The following GPC5 variants were observed in gnomAD, a reference collection of about 807,000 sequenced individuals.
GPC5 encodes glypican-5.
Under a neutral mutation model 53.9 loss-of-function variants are expected in GPC5, and 47 were observed. That is an observed-to-expected ratio of 0.87 (90% CI 0.69 to 1.11). The LOEUF (loss-of-function observed/expected upper bound fraction) is 1.11, where lower values mean the gene tolerates loss of function less well. GPC5 is among the 50% of genes most tolerant of loss of function. The pLI, the probability that GPC5 is intolerant of heterozygous loss-of-function variation, is 0.00. For synonymous variants in GPC5, 286 were observed against 263.3 expected (o/e 1.09, Z -0.84); for missense variants, 748 against 713.1 (o/e 1.05, Z -0.56).
At chr13:92,582,665 C>G (rs1312372117) in intron 7 of GPC5, among the ~76,000 whole-genome samples, 1 of 152,094 alleles carries the variant, frequency 6.6e-6, no homozygotes, top group Non-Finnish European at 1.5e-5. Context: ...ATATCTTCTA[C>G]AACTTCTTTC....
chr13:91,899,707 A>G (rs555608013), intron 5 of GPC5, among the ~76,000 whole-genome samples: 2 of 152,292 alleles, frequency 1.3e-5, no homozygotes, highest in East Asian at 3.9e-4. Flanking sequence ...TATAAGACAC[A>G]GGAAAAGACA....
chr13:91,681,426 A>G (rs749245352), intron 2 of GPC5, among the ~76,000 whole-genome samples: 15 of 152,184 alleles, frequency 9.9e-5, no homozygotes, highest in Non-Finnish European at 1.5e-5. Context: ...TTTCAGTGAC[A>G]ACTTGACCCA....
intron 6 of GPC5, among the ~76,000 whole-genome samples, chr13:91,943,257 T>C (rs1272152507): frequency 6.6e-6 from 1 of 152,172 alleles, no homozygotes; most frequent in Non-Finnish European, 1.5e-5. Flanking sequence ...ACAAAATGCC[T>C]CAACAGATTA....
chr13:92,594,293 C>G (rs191583471), intron 7 of GPC5, among the ~76,000 whole-genome samples: 25 of 152,230 alleles, frequency 1.6e-4, no homozygotes, highest in Non-Finnish European at 3.4e-4. Context: ...AAGGCAGGCA[C>G]GGGACTGTCA....
chr13:91,483,705 T>C (rs968924324), intron 2 of GPC5, among the ~76,000 whole-genome samples: 8 of 152,204 alleles, frequency 5.3e-5, no homozygotes, highest in Admixed American at 1.3e-4. Context: ...TGGCAAACAA[T>C]ACAGATTATT....
At chr13:92,176,206 C>CA (rs2042108343) in intron 7 of GPC5, among the ~76,000 whole-genome samples, 1 of 152,034 alleles carries the variant, frequency 6.6e-6, no homozygotes, top group Non-Finnish European at 1.5e-5. Flanking sequence ...TCTGAATTAC[C>CA]AAAAAATGCT....
intron 2 of GPC5, among the ~76,000 whole-genome samples, chr13:91,568,076 C>T (rs1455962235): frequency 6.6e-6 from 1 of 152,190 alleles, no homozygotes; most frequent in Non-Finnish European, 1.5e-5. Context: ...CCTGCTTCCT[C>T]TTCTGCCATG....
intron 6 of GPC5, among the ~76,000 whole-genome samples, chr13:92,046,389 A>G (rs1199091253): frequency 6.6e-6 from 1 of 152,180 alleles, no homozygotes; most frequent in Non-Finnish European, 1.5e-5. Context: ...CTTACACTGA[A>G]TGTTTTTCTT....
chr13:92,436,725 T>C (rs543553479), intron 7 of GPC5, among the ~76,000 whole-genome samples: 1 of 152,304 alleles, frequency 6.6e-6, no homozygotes, highest in Admixed American at 6.5e-5. Context: ...TTCATATTAT[T>C]AGGTTAATAC....
chr13:92,796,304 C>G (rs1876677221), intron 7 of GPC5, among the ~76,000 whole-genome samples: 1 of 151,890 alleles, frequency 6.6e-6, no homozygotes, highest in African/African-American at 2.4e-5. Flanking sequence ...TAGGTGGGAA[C>G]TGAACAGTGA....
chr13:91,547,421 C>A (rs2030359284), intron 2 of GPC5, among the ~76,000 whole-genome samples: 1 of 152,130 alleles, frequency 6.6e-6, no homozygotes, highest in Middle Eastern at 3.4e-3. Context: ...TGGACCAATT[C>A]CTTGAAAGAC....
intron 7 of GPC5, among the ~76,000 whole-genome samples, chr13:92,457,469 A>G (rs1222137972): frequency 6.6e-6 from 1 of 152,124 alleles, no homozygotes; most frequent in Non-Finnish European, 1.5e-5. Context: ...CCATATGTCC[A>G]CTGAAGGGCA....
chr13:92,814,110 G>T (rs970721216), intron 7 of GPC5, among the ~76,000 whole-genome samples: 4 of 151,928 alleles, frequency 2.6e-5, no homozygotes, highest in Admixed American at 6.6e-5. Flanking sequence ...AAGCTACAAT[G>T]GGAATTTAGT....
chr13:92,341,788 A>C (rs1186138369), intron 7 of GPC5, among the ~76,000 whole-genome samples: 1 of 152,076 alleles, frequency 6.6e-6, no homozygotes, highest in Non-Finnish European at 1.5e-5. Flanking sequence ...TGTTATTTAC[A>C]TAATATAAAA....
intron 1 of GPC5, among the ~76,000 whole-genome samples, chr13:91,435,821 C>G (rs978638440): frequency 6.6e-6 from 1 of 152,154 alleles, no homozygotes; most frequent in Non-Finnish European, 1.5e-5. Context: ...TGGTCCTGGA[C>G]TGTTTTTGGT....
chr13:91,497,868 G>A (rs1360034775), intron 2 of GPC5, among the ~76,000 whole-genome samples: 1 of 152,102 alleles, frequency 6.6e-6, no homozygotes, highest in Non-Finnish European at 1.5e-5. Context: ...TTTGATACAG[G>A]CATGCAAGGT....
chr13:91,945,653 G>T (rs1450346374), intron 6 of GPC5, among the ~76,000 whole-genome samples: 1 of 152,128 alleles, frequency 6.6e-6, no homozygotes, highest in Non-Finnish European at 1.5e-5. Context: ...TGTAGAATGT[G>T]CCCTAGCCTG....
At chr13:91,601,059 A>T (rs564946256) in intron 2 of GPC5, among the ~76,000 whole-genome samples, 1 of 152,308 alleles carries the variant, frequency 6.6e-6, no homozygotes, top group South Asian at 2.1e-4. Flanking sequence ...GGGTCTTATA[A>T]GAAAAGTCTG....
intron 5 of GPC5, among the ~76,000 whole-genome samples, chr13:91,857,699 A>G (rs114809035): frequency 5.4e-4 from 81 of 151,344 alleles, no homozygotes; most frequent in African/African-American, 1.8e-3. Flanking sequence ...TCCCAACTAT[A>G]TATTGAATGG....
Sources: gnomAD v4.1 joint callset for allele counts (sites outside exome capture counted in the v4.1 genomes callset) on GRCh38, gnomAD v4.1.1 for gene constraint, MANE v1.5 for transcripts, NCBI Gene and HGNC (gene_info 2026-07-23, HGNC 2026-07-21) for gene names.